Variants in PLEKHA5 observed in about 807,000 individuals in gnomAD.
PLEKHA5 encodes the protein pleckstrin homology domain containing A5.
PLEKHA5 carries 55 observed loss-of-function variants against 181.9 expected under a neutral mutation model. The observed-to-expected ratio is 0.30, with a 90% CI of 0.24 to 0.38. The LOEUF (loss-of-function observed/expected upper bound fraction) is 0.38, where lower values mean the gene tolerates loss of function less well. Among genes scored for constraint, PLEKHA5 ranks in the 10% least tolerant of loss-of-function variants. The pLI is 1.00. For synonymous variants in PLEKHA5, 535 were observed against 529.4 expected, an observed-to-expected ratio of 1.01 and a Z score of -0.15; for missense variants, 1,432 against 1,549.5, an observed-to-expected ratio of 0.92 and a Z score of 1.27.
intron 21 of PLEKHA5, among the ~76,000 whole-genome samples, chr12:19,340,031 G>GAGAA (rs761449507): frequency 1.2e-4 from 18 of 150,954 alleles, no homozygotes; most frequent in Non-Finnish European, 2.2e-4. Context: ...AAAGCAGAGA[G>GAGAA]AGAAAGAAAG....
At chr12:19,356,359 A>G (rs1348071674) in intron 26 of PLEKHA5, among the ~76,000 whole-genome samples, 1 of 151,636 alleles carries the variant, frequency 6.6e-6, no homozygotes, top group Non-Finnish European at 1.5e-5. Flanking sequence ...TACAAAAATT[A>G]CCAAAAAAAA....
intron 20 of PLEKHA5, among the ~76,000 whole-genome samples, chr12:19,335,238 G>A (rs879768314): frequency 1.3e-5 from 2 of 151,368 alleles, no homozygotes; most frequent in African/African-American, 2.4e-5. Context: ...TCTCTATGTT[G>A]CCCAGGCTGG....
intron 3 of PLEKHA5, among the ~76,000 whole-genome samples, chr12:19,161,486 C>G (rs1444261922): frequency 1.3e-5 from 2 of 152,142 alleles, no homozygotes; most frequent in Non-Finnish European, 2.9e-5. Flanking sequence ...TTAAAACGCA[C>G]AATCAGCACC....
At chr12:19,339,045 CTT>C (rs1056828971) in intron 21 of PLEKHA5, among the ~76,000 whole-genome samples, 4 of 145,138 alleles carry the variant, frequency 2.8e-5, no homozygotes, top group Admixed American at 6.9e-5. Flanking sequence ...TATAACTTCT[CTT>C]TTTTTTTTTT....
At chr12:19,229,951 T>C (rs1405769678) in intron 3 of PLEKHA5, among the ~76,000 whole-genome samples, 2 of 152,176 alleles carry the variant, frequency 1.3e-5, no homozygotes, top group Non-Finnish European at 2.9e-5. Flanking sequence ...GATTGGTGTG[T>C]TTACAAACCT....
At chr12:19,209,456 C>T (rs7310796) in intron 3 of PLEKHA5, among the ~76,000 whole-genome samples, 100,996 of 152,046 alleles carry the variant, frequency 0.66, 36,698 homozygotes, top group Non-Finnish European at 0.82. Context: ...CACCATAGAC[C>T]GCTTGATTGA....
At chr12:19,189,064 T>G (rs2050481123) in intron 3 of PLEKHA5, among the ~76,000 whole-genome samples, 1 of 152,162 alleles carries the variant, frequency 6.6e-6, no homozygotes, top group South Asian at 2.1e-4. Context: ...GGGTTGAACC[T>G]GAGACTGGAC....
chr12:19,259,407 A>G (rs1335717319), intron 6 of PLEKHA5, among the ~76,000 whole-genome samples: 2 of 152,088 alleles, frequency 1.3e-5, no homozygotes, highest in African/African-American at 2.4e-5. Context: ...TGTGTGACAC[A>G]TATTTGTTTA....
chr12:19,221,158 C>T (rs2058874333), intron 3 of PLEKHA5, among the ~76,000 whole-genome samples: 1 of 152,168 alleles, frequency 6.6e-6, no homozygotes, highest in South Asian at 2.1e-4. Flanking sequence ...TTCCCCAAAT[C>T]AGTTGAAAAC....
intron 3 of PLEKHA5, among the ~76,000 whole-genome samples, chr12:19,241,741 A>G (rs2062647194): frequency 6.8e-6 from 1 of 146,692 alleles, no homozygotes; most frequent in Admixed American, 7.1e-5. Flanking sequence ...TGCCTGGGTA[A>G]TAGAGTGAGA....
At position 19,254,031 on chromosome 12, in the gene PLEKHA5, A is replaced by T; in HGVS notation, c.311+8A>T. The stretch of plus-strand genomic sequence containing the variant: ...TTTTGTAGTGAATGAACAGTAAGTA[A>T]AGAGTTTCATGGAATGCCTGTATTC... On this transcript the variant is annotated splice_region_variant and intron_variant, in intron 4 of 31. Coordinates refer to ENST00000429027, the MANE Select transcript of PLEKHA5 (RefSeq NM_001256470.2). The T allele has an allele frequency of 6.5e-7, 1 of 1,530,698 alleles. No individual in the cohort carries two copies. The allele number at this position is 1,530,698 out of a possible 1,614,324, so 94.8% of individuals were successfully genotyped here.
chr12:19,372,967 CGTGTTGCCCAGGCTG>C (rs2099886409), intron 31 of PLEKHA5: 1 of 152,000 alleles, frequency 6.6e-6, no homozygotes, highest in South Asian at 2.1e-4. Flanking sequence ...GGGGTTTCAC[CGTGTTGCCCAGGCTG>C]GTCTCAAACT....
chr12:19,355,311 A>G (rs2094861100), intron 26 of PLEKHA5, among the ~76,000 whole-genome samples: 1 of 151,664 alleles, frequency 6.6e-6, no homozygotes, highest in African/African-American at 2.4e-5. Context: ...CTATAAGACA[A>G]GAAAGGTACT....
intron 22 of PLEKHA5, among the ~76,000 whole-genome samples, chr12:19,345,322 C>T (rs185450697): frequency 2.0e-5 from 3 of 151,570 alleles, no homozygotes; most frequent in Admixed American, 2.0e-4. Flanking sequence ...ATTGCTTGAA[C>T]CTGGGACGCA....
chr12:19,164,199 T>G (rs1267700003), intron 3 of PLEKHA5, among the ~76,000 whole-genome samples: 5 of 12,560 alleles, frequency 4.0e-4, no homozygotes, highest in Non-Finnish European at 1.3e-3. Flanking sequence ...ATGTTTTTGT[T>G]TTTTTTTTTT....
intron 3 of PLEKHA5, among the ~76,000 whole-genome samples, chr12:19,208,388 CAG>C (rs1382561419): frequency 2.1e-5 from 3 of 142,524 alleles, no homozygotes; most frequent in Non-Finnish European, 4.6e-5. Flanking sequence ...GCCTGGGCAA[CAG>C]AGCAAAAACT....
intron 22 of PLEKHA5, among the ~76,000 whole-genome samples, chr12:19,345,540 G>T (rs1056337274): frequency 1.3e-5 from 2 of 152,074 alleles, no homozygotes; most frequent in African/African-American, 4.8e-5. Context: ...GAGGCAGGTG[G>T]ATCACTTGAG....
At chr12:19,258,034 T>C (rs1174731258) in intron 6 of PLEKHA5, among the ~76,000 whole-genome samples, 1 of 152,070 alleles carries the variant, frequency 6.6e-6, no homozygotes, top group East Asian at 1.9e-4. Context: ...TATTCTTTCT[T>C]CCTCTTATTT....
chr12:19,230,527 G>A (rs73347019), intron 3 of PLEKHA5, among the ~76,000 whole-genome samples: 12,382 of 152,224 alleles, frequency 0.081, 700 homozygotes, highest in African/African-American at 0.16. Flanking sequence ...GAGGCCCGGC[G>A]AGAATTTGAG....
Sources: allele counts gnomAD v4.1 joint callset (sites outside exome capture counted in the v4.1 genomes callset), GRCh38; gene constraint gnomAD v4.1.1; transcripts MANE v1.5; gene names NCBI Gene and HGNC (gene_info 2026-07-23, HGNC 2026-07-21).